The following CDH18 variants were observed in gnomAD, a reference collection of about 807,000 sequenced individuals.
CDH18 encodes the protein cadherin 18.
CDH18 carries 31 observed loss-of-function variants against 67.9 expected under a neutral mutation model. That is an observed-to-expected ratio of 0.46 (90% CI 0.34 to 0.62). The LOEUF (loss-of-function observed/expected upper bound fraction) is 0.62. Among genes scored for constraint, CDH18 ranks in the 20% least tolerant of loss-of-function variants. The pLI is 0.01. For synonymous variants in CDH18, 362 were observed against 347.2 expected (o/e 1.04, Z -0.48); for missense variants, 890 against 975.5 (o/e 0.91, Z 1.17).
At chr5:19,755,201 C>A (rs1312860675) in intron 3 of CDH18, among the ~76,000 whole-genome samples, 2 of 147,958 alleles carry the variant, frequency 1.4e-5, no homozygotes, top group African/African-American at 2.5e-5. Flanking sequence ...AAAAAAAATA[C>A]AAAAAATAAA....
intron 1 of CDH18, among the ~76,000 whole-genome samples, chr5:20,274,381 G>GA (rs1014667191): frequency 1.4e-4 from 21 of 149,728 alleles, no homozygotes; most frequent in African/African-American, 4.5e-4. Flanking sequence ...ATCCCTTCCA[G>GA]AAAAAAAACC....
intron 4 of CDH18, among the ~76,000 whole-genome samples, chr5:19,724,338 TA>T (rs1766517734): frequency 6.6e-6 from 1 of 152,154 alleles, no homozygotes; most frequent in African/African-American, 2.4e-5. Context: ...AACAAGTTAT[TA>T]TTTTCTAGAG....
rs115870455 is a variant in CDH18, at chr5:20,461,529, G to A, written c.-580+113933C>T. Among the ~76,000 whole-genome samples, 1,003 of 152,070 alleles carry A rather than the reference G, an allele frequency of 6.6e-3. 11 individuals are homozygous for A. The highest frequency in any genetic ancestry group is 0.023 in the African/African-American group (953 of 41,508). ...AAACCTGATTATGGCAATCACTTTCGTGGTTTGTCTTTAATGTGAGGGCTG... is the reference window on the plus strand; with the variant it reads ...AAACCTGATTATGGCAATCACTTTCATGGTTTGTCTTTAATGTGAGGGCTG... On this transcript the variant is annotated intron_variant, in intron 1 of 14. Transcript: ENST00000507958.
chr5:20,423,537 T>C (rs1200884418), intron 1 of CDH18, among the ~76,000 whole-genome samples: 1 of 150,798 alleles, frequency 6.6e-6, no homozygotes, highest in Non-Finnish European at 1.5e-5. Context: ...TTAGCAACAA[T>C]ACTGCAAGTA....
intron 1 of CDH18, among the ~76,000 whole-genome samples, chr5:20,435,103 A>G (rs1012638222): frequency 1.3e-5 from 2 of 152,076 alleles, no homozygotes; most frequent in Admixed American, 6.6e-5. Context: ...CAATTTAGAA[A>G]TGAAGAAACA....
chr5:20,304,733 C>T, intron 1 of CDH18: 3 of 1,611,220 alleles, frequency 1.9e-6, no homozygotes, highest in Non-Finnish European at 2.5e-6. Context: ...GTTTTGTTGC[C>T]ATGAAACAAA....
intron 6 of CDH18, among the ~76,000 whole-genome samples, chr5:19,604,854 T>G (rs928167329): frequency 6.6e-6 from 1 of 152,058 alleles, no homozygotes; most frequent in African/African-American, 2.4e-5. Context: ...AAAGTTTTTT[T>G]TTTCTCTCAA....
intron 1 of CDH18, among the ~76,000 whole-genome samples, chr5:20,431,103 G>C (rs1748697955): frequency 6.6e-6 from 1 of 152,142 alleles, no homozygotes; most frequent in African/African-American, 2.4e-5. Context: ...ATTGAATATT[G>C]TGTTAAAATA....
At chr5:20,552,900 G>A (rs1043408929) in intron 1 of CDH18, among the ~76,000 whole-genome samples, 7 of 152,072 alleles carry the variant, frequency 4.6e-5, no homozygotes, top group South Asian at 2.1e-4. Flanking sequence ...GACTACAGGC[G>A]TGCTCCATCA....
chr5:20,407,180 G>T (rs1746340796), intron 1 of CDH18, among the ~76,000 whole-genome samples: 1 of 152,174 alleles, frequency 6.6e-6, no homozygotes, highest in African/African-American at 2.4e-5. Context: ...AGAGCAAGTA[G>T]GTGAAAAATC....
At chr5:20,350,458 T>C (rs1741074844) in intron 1 of CDH18, among the ~76,000 whole-genome samples, 1 of 152,154 alleles carries the variant, frequency 6.6e-6, no homozygotes, top group Non-Finnish European at 1.5e-5. Context: ...TGTATTCCAT[T>C]TTTGGATTAT....
intron 3 of CDH18, among the ~76,000 whole-genome samples, chr5:19,751,811 AATCCATC>A (rs761391900): frequency 5.6e-4 from 86 of 152,348 alleles, no homozygotes; most frequent in Non-Finnish European, 1.2e-3. Context: ...TTAAAAATTT[AATCCATC>A]AAGGTGGATG....
At chr5:20,214,102 G>T (rs1252155044) in intron 2 of CDH18, among the ~76,000 whole-genome samples, 1 of 151,872 alleles carries the variant, frequency 6.6e-6, no homozygotes, top group Non-Finnish European at 1.5e-5. Context: ...CCACGAAAAA[G>T]AATGAAATAC....
intron 2 of CDH18, among the ~76,000 whole-genome samples, chr5:20,146,486 C>T (rs1750654165): frequency 6.6e-6 from 1 of 151,968 alleles, no homozygotes; most frequent in Admixed American, 6.6e-5. Context: ...TACTTATCCA[C>T]TTGTTTATCT....
chr5:19,883,913 C>T (rs1200228503), intron 2 of CDH18, among the ~76,000 whole-genome samples: 3 of 151,836 alleles, frequency 2.0e-5, no homozygotes, highest in East Asian at 1.9e-4. Context: ...ATGTCATCTT[C>T]GTTTAAATTA....
chr5:20,234,024 A>G (rs10473356), intron 2 of CDH18, among the ~76,000 whole-genome samples: 106,340 of 151,918 alleles, frequency 0.7, 37,870 homozygotes, highest in African/African-American at 0.84. Context: ...TCCCAAACTC[A>G]CATGTACCAT....
intron 1 of CDH18, among the ~76,000 whole-genome samples, chr5:20,447,046 A>C (rs1241229416): frequency 1.3e-5 from 2 of 152,164 alleles, no homozygotes; most frequent in African/African-American, 4.8e-5. Context: ...ACTAGATAAA[A>C]TGTGGAAGCT....
chr5:19,940,046 C>T (rs1190457222), intron 2 of CDH18, among the ~76,000 whole-genome samples: 3 of 151,764 alleles, frequency 2.0e-5, no homozygotes, highest in Non-Finnish European at 4.4e-5. Context: ...TCAATATTTG[C>T]ATCTACATGC....
At chr5:20,039,880 C>A (rs1740253213) in intron 2 of CDH18, among the ~76,000 whole-genome samples, 1 of 152,052 alleles carries the variant, frequency 6.6e-6, no homozygotes, top group South Asian at 2.1e-4. Context: ...TTCTGCACAG[C>A]AAAGGAAACT....
Sources: allele counts gnomAD v4.1 joint callset (sites outside exome capture counted in the v4.1 genomes callset), GRCh38; gene constraint gnomAD v4.1.1; transcripts MANE v1.5; gene names NCBI Gene and HGNC (gene_info 2026-07-23, HGNC 2026-07-21).